GRAMD1B: variants seen among roughly 807,000 people sequenced by gnomAD.
The protein encoded by GRAMD1B is protein Aster-B.
GRAMD1B carries 37 observed loss-of-function variants against 99.7 expected under a neutral mutation model. The ratio of observed to expected loss-of-function variants is 0.37; its 90% CI spans 0.29 to 0.49. GRAMD1B has a LOEUF of 0.49. Among genes scored for constraint, GRAMD1B ranks in the 20% least tolerant of loss-of-function variants. GRAMD1B has a pLI of 0.98. For missense variants in GRAMD1B, 888 were observed against 1,009.2 expected (o/e 0.88, Z 1.63); for synonymous variants, 427 against 387.6 (o/e 1.10, Z -1.19).
chr11:123,610,841 C>T lies in GRAMD1B; in HGVS notation c.1919+503C>T, dbSNP rs945305463. 4.6e-5 allele frequency among the ~76,000 whole-genome samples: 7 copies of T among 152,212 alleles called. No individual in the cohort carries two copies. The highest frequency in any genetic ancestry group is 1.2e-4 in the African/African-American group (5 of 41,458). ...GGACAGGAATTCCATTCCACTTACA[C>T]TTTATTCCCAGCACCCAGCTGGGCC... On this transcript the variant is annotated intron_variant, in intron 14 of 19. Transcript: ENST00000635736. This position sits in a 1 kb window ranked among gnomAD's most constrained non-coding sequence, Gnocchi z 4.1.
chr11:123,425,260 AT>A (rs573168816), intron 1 of GRAMD1B, among the ~76,000 whole-genome samples: 215 of 152,292 alleles, frequency 1.4e-3, no homozygotes, highest in Admixed American at 4.6e-3. Flanking sequence ...AGCTGATGAT[AT>A]TTTGCAATGC....
chr11:123,482,235 A>G (rs944707721), intron 2 of GRAMD1B, among the ~76,000 whole-genome samples: 2 of 151,926 alleles, frequency 1.3e-5, no homozygotes, highest in African/African-American at 4.8e-5. Context: ...AGTAATTGGG[A>G]TTACAGGCAA....
intron 1 of GRAMD1B, among the ~76,000 whole-genome samples, chr11:123,382,002 G>A (rs1038886906): frequency 2.0e-5 from 3 of 152,034 alleles, no homozygotes; most frequent in African/African-American, 7.2e-5. Context: ...ACCAGCAAGT[G>A]CCTACTCCTG....
intron 2 of GRAMD1B, among the ~76,000 whole-genome samples, chr11:123,485,797 C>T (rs541483609): frequency 1.5e-4 from 22 of 151,652 alleles, no homozygotes; most frequent in Non-Finnish European, 2.6e-4. Context: ...TCACGGTAAC[C>T]TCCACCTTCC....
chr11:123,408,158 C>A (rs751333956), intron 1 of GRAMD1B, among the ~76,000 whole-genome samples: 1 of 152,182 alleles, frequency 6.6e-6, no homozygotes, highest in African/African-American at 2.4e-5. Context: ...GAGTCACTGT[C>A]CCACTGTGTA....
intron 2 of GRAMD1B, among the ~76,000 whole-genome samples, chr11:123,541,172 C>T (rs1210954099): frequency 6.6e-5 from 10 of 152,070 alleles, no homozygotes; most frequent in Non-Finnish European, 1.2e-4. Flanking sequence ...GACGGAGTTT[C>T]TCCATGTTGG....
rs568631734 is a variant in GRAMD1B at position 123,440,135 on chromosome 11, T to C, written c.374+8969T>C. On this transcript the variant is annotated intron_variant, in intron 1 of 19. Transcript: ENST00000635736. ...TGAGACTCTCCAAGAGTCTTCAAGCTTGTTGTCTTAAAAGGAATCATTTTA... is the reference window on the plus strand; with the variant it reads ...TGAGACTCTCCAAGAGTCTTCAAGCCTGTTGTCTTAAAAGGAATCATTTTA... 2.6e-5 allele frequency among the ~76,000 whole-genome samples: 4 copies of C among 152,376 alleles called. No individual in the cohort carries two copies. In the South Asian group the frequency reaches 8.3e-4, roughly 32 times the overall value.
At chr11:123,398,140 A>G (rs1048425485) in intron 1 of GRAMD1B, among the ~76,000 whole-genome samples, 2 of 152,232 alleles carry the variant, frequency 1.3e-5, no homozygotes, top group African/African-American at 4.8e-5. Context: ...GTATGTTTGA[A>G]AAACTATGAG....
At chr11:123,602,727 T>C (rs1952139151) in intron 8 of GRAMD1B, among the ~76,000 whole-genome samples, 1 of 151,978 alleles carries the variant, frequency 6.6e-6, no homozygotes, top group Non-Finnish European at 1.5e-5. Context: ...CAGTGTTTTT[T>C]TGGGAGGACA....
chr11:123,449,106 G>T (rs564786997), intron 1 of GRAMD1B, among the ~76,000 whole-genome samples: 5 of 152,290 alleles, frequency 3.3e-5, no homozygotes, highest in South Asian at 2.1e-4. Context: ...CCACCGTAAG[G>T]CCTTTTCGTT....
chr11:123,557,977 CTTTTTTTTTTTT>C (rs532091098), intron 2 of GRAMD1B, among the ~76,000 whole-genome samples: 13,407 of 100,256 alleles, frequency 0.13, 2,289 homozygotes, highest in African/African-American at 0.41. Flanking sequence ...TTCAGTGCAA[CTTTTTTTTTTTT>C]TTTTTTTTTT....
At chr11:123,413,442 C>G (rs1241118826) in intron 1 of GRAMD1B, among the ~76,000 whole-genome samples, 2 of 151,864 alleles carry the variant, frequency 1.3e-5, no homozygotes, top group Admixed American at 6.6e-5. Flanking sequence ...CAATAAACAT[C>G]AGGAAGTGTA....
At chr11:123,600,630 C>G in intron 8 of GRAMD1B, 82 bp downstream of exon 8, 2 of 806,482 alleles carry the variant, frequency 2.5e-6, no homozygotes, top group East Asian at 5.2e-5. Context: ...CTGGGAATCC[C>G]CCACTGATAG....
chr11:123,448,552 T>TG lies in GRAMD1B; in HGVS notation c.374+17390dup, dbSNP rs537065954. Among the ~76,000 whole-genome samples, 179 of 152,356 alleles carry TG rather than the reference T, an allele frequency of 1.2e-3. 1 individual carries two copies. Among genetic ancestry groups the TG allele is most frequent in the African/African-American group, 3.9e-3 (164 of 41,590 alleles). On this transcript the variant is annotated intron_variant, in intron 1 of 19. Coordinates refer to ENST00000635736, the MANE Select transcript of GRAMD1B (RefSeq NM_001387025.1). ...CTACTTCTAAATCCATATACTGTCCTGGGGCGATTTCATCCATTCTCTTGG... is the reference window on the plus strand; with the variant it reads ...CTACTTCTAAATCCATATACTGTCCTGGGGGCGATTTCATCCATTCTCTTGG...
At chr11:123,464,945 G>T (rs1950595208) in intron 1 of GRAMD1B, among the ~76,000 whole-genome samples, 1 of 152,100 alleles carries the variant, frequency 6.6e-6, no homozygotes. Flanking sequence ...AGAAGTGAGG[G>T]TGTGGGAGGC....
Position 123,577,415 on chromosome 11 carries a change from C to T in GRAMD1B, c.501C>T (p.Leu167=). The change falls in exon 3 of 20, where the codon CTC becomes CTT. Residue 167 remains leucine, a synonymous_variant. Coordinates refer to ENST00000635736, the MANE Select transcript of GRAMD1B (RefSeq NM_001387025.1). ...GCACGCCGGCCTGCTCGCCCATCCTCCGGAAGCGGTCTCGCTCGCCAACCC... is the reference window on the plus strand; with the variant it reads ...GCACGCCGGCCTGCTCGCCCATCCTTCGGAAGCGGTCTCGCTCGCCAACCC... The part of the protein sequence containing the change: ...NRSTPACSPI[L]RKRSRSPTPQ... 1 of 1,599,226 alleles carries T rather than the reference C, an allele frequency of 6.3e-7. No individual in the cohort carries two copies. Among genetic ancestry groups the T allele is most frequent in the African/African-American group, 1.3e-5 (1 of 74,732 alleles).
At chr11:123,539,416 A>T (rs1413250629) in intron 2 of GRAMD1B, among the ~76,000 whole-genome samples, 2 of 148,290 alleles carry the variant, frequency 1.3e-5, no homozygotes, top group Non-Finnish European at 3.0e-5. Flanking sequence ...AGCTTAAGCA[A>T]CATAGTGAGA....
intron 1 of GRAMD1B, among the ~76,000 whole-genome samples, chr11:123,432,954 G>A (rs1948969149): frequency 6.6e-6 from 1 of 152,166 alleles, no homozygotes; most frequent in African/African-American, 2.4e-5. Context: ...GGATTTTTGT[G>A]GACGCTGGGG....
In GRAMD1B at chr11:123,393,750, G is replaced by A. The variant is rs188252302; in HGVS notation, c.-176+34951G>A. Among the ~76,000 whole-genome samples, 10 of 152,208 alleles carry A rather than the reference G, an allele frequency of 6.6e-5. No individual in the cohort carries two copies. In the East Asian group the frequency reaches 1.9e-3, roughly 29 times the overall value. On this transcript the variant is annotated intron_variant, in intron 1 of 20. Transcript: ENST00000638157. ...CTGTTGTCTTTGTAATCCCCTGTTGGTTACCCAGGTCCACCCTCTTCAATG... is the reference window on the plus strand; with the variant it reads ...CTGTTGTCTTTGTAATCCCCTGTTGATTACCCAGGTCCACCCTCTTCAATG...
Sources: allele counts gnomAD v4.1 joint callset (sites outside exome capture counted in the v4.1 genomes callset), GRCh38; gene constraint gnomAD v4.1.1; non-coding constraint Gnocchi (gnomAD v3.1); transcripts MANE v1.5; gene names NCBI Gene and HGNC (gene_info 2026-07-23, HGNC 2026-07-21).